The following CNTN5 variants were observed in gnomAD, a reference collection of about 807,000 sequenced individuals.
CNTN5 encodes the protein contactin-5.
Under a neutral mutation model 129.1 loss-of-function variants are expected in CNTN5, and 77 were observed. The observed-to-expected ratio is 0.60, with a 90% CI of 0.50 to 0.72. The LOEUF is 0.72. Ranked by LOEUF, CNTN5 falls within the 30% of genes least tolerant of loss-of-function variation. The pLI is 0.00. For synonymous variants in CNTN5, 509 were observed against 465.6 expected, an observed-to-expected ratio of 1.09 and a Z score of -1.20; for missense variants, 1,478 against 1,328.8, an observed-to-expected ratio of 1.11 and a Z score of -1.75.
chr11:100,214,398 G>A (rs1739466294), intron 15 of CNTN5, among the ~76,000 whole-genome samples: 1 of 152,158 alleles, frequency 6.6e-6, no homozygotes, highest in Admixed American at 6.5e-5. Flanking sequence ...CTTGAAAAAT[G>A]AGTAATTCTG....
In CNTN5 at chr11:99,819,149, C is replaced by T. The variant is rs563909902; in HGVS notation, c.56-395C>T. On this transcript the variant is annotated intron_variant, in intron 3 of 24. Coordinates refer to ENST00000524871, the MANE Select transcript of CNTN5 (RefSeq NM_014361.4). Reference sequence around the variant, plus strand: ...ATGGGTATTGTAATATTAAGGTAAACTTTTAAAAGTTAATTTACAAATTTT... The same window carrying T: ...ATGGGTATTGTAATATTAAGGTAAATTTTTAAAAGTTAATTTACAAATTTT... Among the ~76,000 whole-genome samples the T allele has an allele frequency of 5.9e-5, 9 of 151,458 alleles. No individual in the cohort carries two copies. The East Asian group carries it at 1.8e-3, about 30-fold the overall frequency.
At chr11:99,922,214 T>C (rs1360711599) in intron 7 of CNTN5, among the ~76,000 whole-genome samples, 2 of 152,172 alleles carry the variant, frequency 1.3e-5, no homozygotes, top group East Asian at 3.9e-4. Context: ...GAACTGCCCT[T>C]TCTAAAGCCA....
At chr11:99,127,535 A>G (rs566076085) in intron 1 of CNTN5, among the ~76,000 whole-genome samples, 3 of 152,200 alleles carry the variant, frequency 2.0e-5, no homozygotes, top group South Asian at 2.1e-4. Context: ...TGCTAACTCC[A>G]TTGCATAAGA....
intron 2 of CNTN5, among the ~76,000 whole-genome samples, chr11:99,336,177 C>A (rs900209452): frequency 2.2e-4 from 34 of 152,056 alleles, no homozygotes; most frequent in African/African-American, 8.0e-4. Flanking sequence ...AAAGTTCAGT[C>A]AAAAATATCA....
rs200176565 is a variant in CNTN5, at chr11:100,275,068, GT to G, written c.2314+3834del. ...TAAATAACAATACAAAAGATGTTCA[GT>G]TTTTTTCCATATAAAAATTAAACAA... is the stretch of plus-strand genomic sequence containing the variant. On this transcript the variant is annotated intron_variant, in intron 18 of 24. Transcript: ENST00000524871. Among the ~76,000 whole-genome samples the G allele has an allele frequency of 4.4e-3, 636 of 146,000 alleles. 4 individuals carry two copies. Among genetic ancestry groups the G allele is most frequent in the African/African-American group, 0.015 (592 of 39,594 alleles).
chr11:99,898,040 C>T lies in CNTN5; in HGVS notation c.578-18014C>T, dbSNP rs563665849. Among the ~76,000 whole-genome samples the T allele has an allele frequency of 2.6e-5, 4 of 152,082 alleles. No homozygotes were observed. In the South Asian group the frequency reaches 6.2e-4, roughly 24 times the overall value. ...ATAAAAAGTTTAATGAAAATAGCAA[C>T]ATAACATACAAAACCTCCTGAATAC... On this transcript the variant is annotated intron_variant, in intron 6 of 24. Coordinates refer to ENST00000524871, the MANE Select transcript of CNTN5 (RefSeq NM_014361.4).
At chr11:99,762,406 G>A (rs368947951) in intron 3 of CNTN5, among the ~76,000 whole-genome samples, 1 of 151,948 alleles carries the variant, frequency 6.6e-6, no homozygotes, top group South Asian at 2.1e-4. Flanking sequence ...TAGGTCTAAC[G>A]TTTAAGTCTT....
intron 16 of CNTN5, among the ~76,000 whole-genome samples, chr11:100,247,642 A>T (rs563314390): frequency 6.6e-6 from 1 of 152,316 alleles, no homozygotes; most frequent in South Asian, 2.1e-4. Context: ...GTATAAAAAT[A>T]AATATTCTAT....
At chr11:100,073,601 C>A (rs1944014973) in intron 12 of CNTN5, among the ~76,000 whole-genome samples, 1 of 151,306 alleles carries the variant, frequency 6.6e-6, no homozygotes, top group Non-Finnish European at 1.5e-5. Flanking sequence ...ATGATCAAAC[C>A]TAAGTGAAAA....
intron 3 of CNTN5, among the ~76,000 whole-genome samples, chr11:99,789,235 G>T (rs976646550): frequency 6.6e-6 from 1 of 151,764 alleles, no homozygotes; most frequent in African/African-American, 2.4e-5. Flanking sequence ...TTTTGTACCA[G>T]ACAATGTACT....
At chr11:99,038,036 C>T (rs957598304) in intron 1 of CNTN5, among the ~76,000 whole-genome samples, 2 of 151,914 alleles carry the variant, frequency 1.3e-5, no homozygotes, top group African/African-American at 4.8e-5. Context: ...TAATTTAATA[C>T]ATTCTGCTCT....
At chr11:99,323,172 T>A (rs567827665) in intron 1 of CNTN5, among the ~76,000 whole-genome samples, 1 of 152,276 alleles carries the variant, frequency 6.6e-6, no homozygotes, top group African/African-American at 2.4e-5. Flanking sequence ...TTATTATAAT[T>A]CCTTGAGCAG....
At chr11:99,549,595 A>G (rs1217551127) in intron 2 of CNTN5, among the ~76,000 whole-genome samples, 2 of 152,108 alleles carry the variant, frequency 1.3e-5, no homozygotes, top group African/African-American at 4.8e-5. Context: ...AGAATATTTT[A>G]TAATATTCTC....
In CNTN5 at chr11:100,027,466, C is replaced by T. The variant is rs559297572; in HGVS notation, c.980+25330C>T. ...ATGCCTCCCTAATTATGATATTTTCCACATGGATGTTAGGTTAGGAACTAT... is the reference window on the plus strand; with the variant it reads ...ATGCCTCCCTAATTATGATATTTTCTACATGGATGTTAGGTTAGGAACTAT... On this transcript the variant is annotated intron_variant, in intron 9 of 24. Transcript: ENST00000524871. Among the ~76,000 whole-genome samples the T allele has an allele frequency of 9.2e-5, 14 of 152,224 alleles. No homozygotes were observed. In the South Asian group the frequency reaches 2.7e-3, roughly 29 times the overall value.
intron 6 of CNTN5, among the ~76,000 whole-genome samples, chr11:99,895,684 A>G (rs1949187166): frequency 6.6e-6 from 1 of 151,972 alleles, no homozygotes; most frequent in African/African-American, 2.4e-5. Flanking sequence ...TCCCCTGGGG[A>G]TCACACTTCT....
chr11:99,800,122 C>T (rs868415732), intron 3 of CNTN5, among the ~76,000 whole-genome samples: 20 of 151,712 alleles, frequency 1.3e-4, no homozygotes, highest in Non-Finnish European at 2.5e-4. Flanking sequence ...TTGTTTTTAA[C>T]GCTGCTGTTT....
At chr11:99,358,863 G>A (rs781293868) in intron 2 of CNTN5, among the ~76,000 whole-genome samples, 1 of 151,900 alleles carries the variant, frequency 6.6e-6, no homozygotes, top group Non-Finnish European at 1.5e-5. Flanking sequence ...TCAGAATTAT[G>A]TATGCAATGA....
intron 3 of CNTN5, among the ~76,000 whole-genome samples, chr11:99,718,340 T>C (rs981557015): frequency 1.3e-5 from 2 of 152,158 alleles, no homozygotes; most frequent in Non-Finnish European, 2.9e-5. Flanking sequence ...GTTCATAATA[T>C]ATATTGTTAT....
At position 100,358,033 on chromosome 11, in the gene CNTN5, G is replaced by C. The variant is rs2139055716; in HGVS notation, c.*1813G>C. ...GCCTCCTTTAAAGTGGGAGAGGCTG[G>C]ACTTTGCAAAAACAGGGATGCTAAT... is the stretch of plus-strand genomic sequence containing the variant. On this transcript the variant is annotated 3_prime_UTR_variant, in exon 25 of 25. Coordinates refer to ENST00000524871, the MANE Select transcript of CNTN5 (RefSeq NM_014361.4). 1 of 151,938 alleles carries C rather than the reference G, an allele frequency of 6.6e-6. No homozygotes were observed. The highest frequency in any genetic ancestry group is 2.1e-4 in the South Asian group (1 of 4,826). 9.4% of individuals were successfully genotyped at this position (151,938 alleles called of 1,614,324 possible).
Sources: allele counts gnomAD v4.1 joint callset (sites outside exome capture counted in the v4.1 genomes callset), GRCh38; gene constraint gnomAD v4.1.1; transcripts MANE v1.5; gene names NCBI Gene and HGNC (gene_info 2026-07-23, HGNC 2026-07-21).